UTRN: variants seen among roughly 807,000 people sequenced by gnomAD.
UTRN encodes the protein dystrophin-related protein 1.
UTRN carries 283 observed loss-of-function variants against 463.9 expected under a neutral mutation model. The observed-to-expected ratio is 0.61, with a 90% CI of 0.55 to 0.67. UTRN has a LOEUF of 0.67. Among genes scored for constraint, UTRN ranks in the 30% least tolerant of loss-of-function variants. The pLI is 0.00. For synonymous variants in UTRN, 1,442 were observed against 1,431.5 expected (o/e 1.01, Z -0.17); for missense variants, 3,922 against 4,084.3 (o/e 0.96, Z 1.08).
At chr6:144,750,407 T>A (rs1586375178) in intron 55 of UTRN, among the ~76,000 whole-genome samples, 1 of 152,146 alleles carries the variant, frequency 6.6e-6, no homozygotes, top group African/African-American at 2.4e-5. Context: ...TCCCTTCCTC[T>A]ACCCTGTCTT....
chr6:144,355,401 G>A (rs1034116693), intron 2 of UTRN, among the ~76,000 whole-genome samples: 3 of 152,022 alleles, frequency 2.0e-5, no homozygotes, highest in African/African-American at 7.2e-5. Flanking sequence ...GACTCCCTAT[G>A]CTTCTCAGGT....
intron 62 of UTRN, among the ~76,000 whole-genome samples, chr6:144,791,773 A>T (rs1472158800): frequency 1.3e-5 from 2 of 152,190 alleles, no homozygotes; most frequent in Non-Finnish European, 2.9e-5. Flanking sequence ...TTATAGAAAT[A>T]TGTCAAAATG....
At chr6:144,437,511 C>CTT (rs879148403) in intron 10 of UTRN, 54 bp from the exon 11 acceptor site, 143 of 1,224,826 alleles carry the variant, frequency 1.2e-4, no homozygotes, top group South Asian at 3.1e-4. Flanking sequence ...TTCAGTCTTC[C>CTT]TTTTTTTTTT....
At chr6:144,488,623 T>C (rs549552577) in intron 29 of UTRN, 50 bp from the exon 30 acceptor site, 1 of 1,583,574 alleles carries the variant, frequency 6.3e-7, no homozygotes, top group Admixed American at 1.7e-5. Context: ...TATATTCTGC[T>C]ATTTATATTT....
chr6:144,366,814 G>T, intron 2 of UTRN, among the ~76,000 whole-genome samples: 1 of 152,104 alleles, frequency 6.6e-6, no homozygotes, highest in Non-Finnish European at 1.5e-5. Flanking sequence ...AGGTCTTTGA[G>T]GAATTGCCAC....
chr6:144,377,368 G>C (rs1266278701), intron 2 of UTRN, among the ~76,000 whole-genome samples: 2 of 152,114 alleles, frequency 1.3e-5, no homozygotes, highest in Non-Finnish European at 2.9e-5. Context: ...CTGTGTGCAG[G>C]AATATACATG....
chr6:144,785,922 G>T (rs1776254386), intron 61 of UTRN, among the ~76,000 whole-genome samples: 1 of 152,182 alleles, frequency 6.6e-6, no homozygotes, highest in African/African-American at 2.4e-5. Flanking sequence ...TTTAAATCAT[G>T]ATATAAAGCA....
At chr6:144,553,320 C>T (rs1407351456) in intron 48 of UTRN, among the ~76,000 whole-genome samples, 2 of 152,030 alleles carry the variant, frequency 1.3e-5, no homozygotes, top group Non-Finnish European at 2.9e-5. Context: ...TTACAGGTGT[C>T]AGCCACTGCA....
intron 51 of UTRN, among the ~76,000 whole-genome samples, chr6:144,604,351 T>C (rs1420916638): frequency 6.6e-6 from 1 of 152,162 alleles, no homozygotes; most frequent in Non-Finnish European, 1.5e-5. Context: ...AGAAATCAAT[T>C]AGCTGATTTT....
chr6:144,442,917 A>G (rs1176622510), intron 13 of UTRN, among the ~76,000 whole-genome samples: 1 of 152,116 alleles, frequency 6.6e-6, no homozygotes, highest in Non-Finnish European at 1.5e-5. Context: ...CACTACCTAA[A>G]TCTAGGTGAG....
At position 144,542,844 on chromosome 6, in the gene UTRN, G is replaced by T. The variant is rs770446874; in HGVS notation, c.6569G>T (p.Ser2190Ile). The T allele has an allele frequency of 1.6e-5, 26 of 1,613,594 alleles. No individual in the cohort carries two copies. The highest frequency in any genetic ancestry group is 8.9e-5 in the East Asian group (4 of 44,852). Residue 2190 changes from serine (S) to isoleucine (I), a missense_variant, in exon 46 of 75, where the codon AGT becomes ATT. Physicochemically the swap from Ser to Ile is moderately radical, Grantham distance 142. This residue lies in a region of UTRN where 2,349 missense variants were observed against 2,303.8 expected (regional missense o/e 1.02). Transcript: ENST00000367545. ...TTLKECIQEP[S>I]SVSQTRIAAH... ...CTGAAGGAATGCATCCAGGAGCCCA[G>T]TTCTGTTTCACAGACAAGGATTGCT... is the stretch of plus-strand genomic sequence containing the variant.
At chr6:144,815,066 G>A (rs1778959480) in intron 65 of UTRN, among the ~76,000 whole-genome samples, 1 of 152,168 alleles carries the variant, frequency 6.6e-6, no homozygotes, top group Admixed American at 6.6e-5. Flanking sequence ...GTTGAAGACT[G>A]TTAGAGTCAC....
At chr6:144,336,886 C>T (rs1776755937) in intron 2 of UTRN, among the ~76,000 whole-genome samples, 2 of 152,132 alleles carry the variant, frequency 1.3e-5, no homozygotes, top group South Asian at 4.1e-4. Context: ...GAAGGGCCAT[C>T]CCAGGGATGA....
chr6:144,594,471 C>T (rs1363911947), intron 51 of UTRN, among the ~76,000 whole-genome samples: 1 of 152,014 alleles, frequency 6.6e-6, no homozygotes, highest in Non-Finnish European at 1.5e-5. Flanking sequence ...GGGACTATAC[C>T]TTGTTTTCTA....
At chr6:144,403,604 C>T (rs915177344) in intron 3 of UTRN, among the ~76,000 whole-genome samples, 1 of 152,132 alleles carries the variant, frequency 6.6e-6, no homozygotes, top group African/African-American at 2.4e-5. Flanking sequence ...GATTTTTATT[C>T]TTGTGGATGT....
At chr6:144,494,244 G>A (rs963042397) in intron 33 of UTRN, among the ~76,000 whole-genome samples, 14 of 152,062 alleles carry the variant, frequency 9.2e-5, no homozygotes, top group Admixed American at 6.6e-4. Flanking sequence ...CTGATGTTCG[G>A]ATGTGCTTGG....
At chr6:144,555,672 C>T (rs1263281804) in intron 49 of UTRN, among the ~76,000 whole-genome samples, 1 of 152,188 alleles carries the variant, frequency 6.6e-6, no homozygotes, top group East Asian at 1.9e-4. Context: ...CTCAAGTAAT[C>T]TGCTCACTTT....
Position 144,654,556 on chromosome 6 carries a change from T to C in UTRN, c.7480-23850T>C, listed in dbSNP as rs975576932. On this transcript the variant is annotated intron_variant, in intron 51 of 74. Coordinates refer to ENST00000367545, the MANE Select transcript of UTRN (RefSeq NM_007124.3). The stretch of plus-strand genomic sequence containing the variant: ...TTAATTTTGGCTTCAATTTACTAAA[T>C]CTACATAGCTGAAGAAAACTGGAGA... 2.0e-5 allele frequency among the ~76,000 whole-genome samples: 3 copies of C among 152,242 alleles called. 1 individual carries two copies. The highest frequency in any genetic ancestry group is 4.1e-4 in the South Asian group (2 of 4,832).
intron 2 of UTRN, among the ~76,000 whole-genome samples, chr6:144,367,181 C>T (rs1163775797): frequency 2.6e-5 from 4 of 152,048 alleles, no homozygotes; most frequent in Non-Finnish European, 5.9e-5. Flanking sequence ...GATGGGGTTT[C>T]ACCATGTTGG....
Sources: gnomAD v4.1 joint callset for allele counts (sites outside exome capture counted in the v4.1 genomes callset) on GRCh38, gnomAD v4.1.1 for gene constraint, gnomAD v4.1.1 regional missense constraint, MANE v1.5 for transcripts, NCBI Gene and HGNC (gene_info 2026-07-23, HGNC 2026-07-21) for gene names.